JMJD1C: variants seen among roughly 807,000 people sequenced by gnomAD.
JMJD1C encodes jumonji domain containing 1C, also known as jumonji domain-containing protein 1C.
A neutral mutation model predicts 245.3 loss-of-function variants in JMJD1C; 31 were observed. That is an observed-to-expected ratio of 0.13 (90% CI 0.09 to 0.17). JMJD1C has a LOEUF of 0.17. Among genes scored for constraint, JMJD1C ranks in the 10% least tolerant of loss-of-function variants. JMJD1C has a pLI of 1.00. For synonymous variants in JMJD1C, 1,057 were observed against 1,017.4 expected, an observed-to-expected ratio of 1.04 and a Z score of -0.74; for missense variants, 2,691 against 3,000.2, an observed-to-expected ratio of 0.90 and a Z score of 2.41.
intron 1 of JMJD1C, among the ~76,000 whole-genome samples, chr10:63,414,578 T>C (rs2132688837): frequency 6.6e-6 from 1 of 152,106 alleles, no homozygotes; most frequent in South Asian, 2.1e-4. Context: ...AATCAGCCTA[T>C]CAAAATATAT....
chr10:63,381,041 G>A (rs923226220), intron 1 of JMJD1C, among the ~76,000 whole-genome samples: 2 of 152,156 alleles, frequency 1.3e-5, no homozygotes, highest in African/African-American at 4.8e-5. Context: ...ATATGAATGG[G>A]TAAAGAAAAT....
chr10:63,249,357 A>G (rs1217770257), intron 3 of JMJD1C, among the ~76,000 whole-genome samples: 2 of 152,156 alleles, frequency 1.3e-5, no homozygotes, highest in Non-Finnish European at 1.5e-5. Flanking sequence ...AGATGCTTAA[A>G]GATAGACAGT....
intron 1 of JMJD1C, among the ~76,000 whole-genome samples, chr10:63,459,592 C>T (rs1163907766): frequency 6.6e-6 from 1 of 152,066 alleles, no homozygotes; most frequent in African/African-American, 2.4e-5. Context: ...TGGGATACAC[C>T]TGGACACATA....
intron 4 of JMJD1C, among the ~76,000 whole-genome samples, chr10:63,218,925 TTAC>T (rs1848291271): frequency 6.6e-6 from 1 of 152,120 alleles, no homozygotes; most frequent in Non-Finnish European, 1.5e-5. Flanking sequence ...TTAAAAACAA[TTAC>T]TTTTTTCAGA....
intron 5 of JMJD1C, 51 bp downstream of exon 5, chr10:63,217,156 G>C (rs1250181464): frequency 6.6e-7 from 1 of 1,519,218 alleles, no homozygotes. Flanking sequence ...GGGGGGCATG[G>C]ATGATTTGAA....
At chr10:63,249,125 G>T (rs1348708350) in intron 3 of JMJD1C, among the ~76,000 whole-genome samples, 1 of 152,070 alleles carries the variant, frequency 6.6e-6, no homozygotes, top group East Asian at 1.9e-4. Context: ...AGACCAGACT[G>T]ACCAGCATGA....
chr10:63,237,528 T>C (rs780311949), intron 3 of JMJD1C, among the ~76,000 whole-genome samples: 21 of 152,188 alleles, frequency 1.4e-4, no homozygotes, highest in Non-Finnish European at 2.2e-4. Context: ...CCAGTACAAA[T>C]TGGAATGATC....
intron 1 of JMJD1C, among the ~76,000 whole-genome samples, chr10:63,508,542 T>C (rs1419300886): frequency 6.6e-6 from 1 of 152,216 alleles, no homozygotes; most frequent in Non-Finnish European, 1.5e-5. Context: ...TTGACTGTGA[T>C]TGTATTGAAT....
At chr10:63,217,421 A>G in intron 4 of JMJD1C, 90 bp from the exon 5 acceptor site, 1 of 987,326 alleles carries the variant, frequency 1.0e-6, no homozygotes, top group Non-Finnish European at 1.5e-6. Flanking sequence ...GCTAGTGTAT[A>G]ATAGTAATAT....
At chr10:63,200,818 G>A (rs72829179) in intron 10 of JMJD1C, 141 bp from the exon 11 acceptor site, 7 of 693,234 alleles carry the variant, frequency 1.0e-5, no homozygotes, top group African/African-American at 3.6e-5. Context: ...AGAGCTCTAG[G>A]TACTGATTAA....
chr10:63,244,608 A>C (rs910827947), intron 3 of JMJD1C, among the ~76,000 whole-genome samples: 2 of 152,204 alleles, frequency 1.3e-5, no homozygotes, highest in Non-Finnish European at 2.9e-5. Context: ...GTGAACTCTT[A>C]AATGAAAAAT....
intron 8 of JMJD1C, among the ~76,000 whole-genome samples, chr10:63,212,785 T>C (rs1267439255): frequency 6.6e-6 from 1 of 151,766 alleles, no homozygotes; most frequent in Non-Finnish European, 1.5e-5. Flanking sequence ...ATTTTAGAAA[T>C]TTCACTTCTG....
rs764199407 is a variant in JMJD1C at position 63,176,443 on chromosome 10, G to T, written c.7255C>A (p.Pro2419Thr). 6.2e-7 allele frequency: 1 copy of T among 1,613,456 alleles called. No homozygotes were observed. The highest frequency in any genetic ancestry group is 8.5e-7 in the Non-Finnish European group (1 of 1,179,660). Reference sequence around the variant, plus strand: ...TGGTCACGTATTGGATCATGTTCTGGTAGAACTTCAAGGCCTTGTTCTTTT... The same window carrying T: ...TGGTCACGTATTGGATCATGTTCTGTTAGAACTTCAAGGCCTTGTTCTTTT... ...ISKEQGLEVL[P>T]EHDPIRDQSW... The change falls in exon 24 of 26, where the codon CCA becomes ACA. Residue 2419 changes from proline to threonine, a missense_variant. Pro to Thr is a conservative substitution (Grantham distance 38). Transcript: ENST00000399262.
intron 2 of JMJD1C, among the ~76,000 whole-genome samples, chr10:63,271,836 G>C (rs1412616690): frequency 2.0e-5 from 3 of 152,102 alleles, no homozygotes; most frequent in Non-Finnish European, 4.4e-5. Context: ...AAGAGGCCGG[G>C]ATCAGTGGTG....
At chr10:63,486,412 AT>A (rs1422857547) in intron 1 of JMJD1C, among the ~76,000 whole-genome samples, 2 of 152,306 alleles carry the variant, frequency 1.3e-5, no homozygotes, top group East Asian at 3.9e-4. Context: ...AACTGAAGGC[AT>A]TTAAGGACTT....
chr10:63,392,681 T>C (rs1948147305), intron 1 of JMJD1C, among the ~76,000 whole-genome samples: 1 of 151,266 alleles, frequency 6.6e-6, no homozygotes, highest in Non-Finnish European at 1.5e-5. Flanking sequence ...AAAAATTAGC[T>C]GGGCGTGGTG....
At chr10:63,265,893 G>C (rs1855511656) in intron 2 of JMJD1C, among the ~76,000 whole-genome samples, 1 of 151,864 alleles carries the variant, frequency 6.6e-6, no homozygotes, top group African/African-American at 2.4e-5. Flanking sequence ...CTCTTATTCT[G>C]TCTTAAAAAA....
intron 1 of JMJD1C, among the ~76,000 whole-genome samples, chr10:63,488,221 C>T (rs1352224718): frequency 6.6e-6 from 1 of 152,170 alleles, no homozygotes; most frequent in African/African-American, 2.4e-5. Flanking sequence ...ATGCAAATAC[C>T]TCTACTTCAA....
intron 1 of JMJD1C, among the ~76,000 whole-genome samples, chr10:63,395,081 T>C (rs940230686): frequency 2.6e-5 from 4 of 152,148 alleles, no homozygotes; most frequent in African/African-American, 9.7e-5. Flanking sequence ...AAAGAAGACA[T>C]ACAGGCAGCA....
Sources: allele counts gnomAD v4.1 joint callset (sites outside exome capture counted in the v4.1 genomes callset), GRCh38; gene constraint gnomAD v4.1.1; transcripts MANE v1.5; gene names NCBI Gene and HGNC (gene_info 2026-07-23, HGNC 2026-07-21).